Variants in PLXNA4 observed in about 807,000 individuals in gnomAD.
PLXNA4 encodes plexin A4, also known as plexin-A4.
In PLXNA4, 44 loss-of-function variants were observed where a neutral mutation model predicts 191.8. That is an observed-to-expected ratio of 0.23 (90% CI 0.18 to 0.29). The LOEUF (loss-of-function observed/expected upper bound fraction) is 0.29. Ranked by LOEUF, PLXNA4 falls within the 10% of genes least tolerant of loss-of-function variation. The pLI is 1.00. For synonymous variants in PLXNA4, 1,082 were observed against 1,009.5 expected, an observed-to-expected ratio of 1.07 and a Z score of -1.36; for missense variants, 1,800 against 2,488.8, an observed-to-expected ratio of 0.72 and a Z score of 5.89.
chr7:132,204,960 G>A (rs949972214), intron 10 of PLXNA4, among the ~76,000 whole-genome samples: 32 of 152,204 alleles, frequency 2.1e-4, no homozygotes, highest in East Asian at 3.9e-4. Flanking sequence ...CCCTGGCAAC[G>A]CGTGCCAGGG....
In PLXNA4 at chr7:132,603,979, T is replaced by A. The variant is rs546709064; in HGVS notation, c.-87+41949A>T. On this transcript the variant is annotated intron_variant, in intron 2 of 4. Coordinates refer to the PLXNA4 transcript ENST00000378539. ...GAAAGTTAATGCATGTTTTGCAAGG[T>A]TGTGGTGAGGATTTAAACGATAACA... Among the ~76,000 whole-genome samples the A allele has an allele frequency of 8.5e-5, 13 of 152,150 alleles. No individual in the cohort carries two copies. The South Asian group carries it at 2.7e-3, about 32-fold the overall frequency.
intron 3 of PLXNA4, among the ~76,000 whole-genome samples, chr7:132,474,471 T>G (rs1797050501): frequency 1.3e-5 from 2 of 152,108 alleles, no homozygotes; most frequent in African/African-American, 4.8e-5. Flanking sequence ...CCGCCCATCC[T>G]GCTTTCCATC....
chr7:132,598,503 A>T (rs909971353), intron 2 of PLXNA4, among the ~76,000 whole-genome samples: 1 of 151,270 alleles, frequency 6.6e-6, no homozygotes, highest in Non-Finnish European at 1.5e-5. Context: ...CTACTACATT[A>T]AAGTAACATT....
intron 31 of PLXNA4, 36 bp from the exon 32 acceptor site, chr7:132,130,610 T>C: frequency 6.2e-7 from 1 of 1,613,698 alleles, no homozygotes; most frequent in South Asian, 1.1e-5. Flanking sequence ...ATTACTCATT[T>C]GTGTGTACAG....
intron 23 of PLXNA4, 107 bp downstream of exon 23, chr7:132,165,027 A>G: frequency 1.4e-6 from 2 of 1,473,496 alleles, no homozygotes; most frequent in Non-Finnish European, 1.8e-6. Context: ...GTGGGGTTAT[A>G]AGAGCCAGGC....
intron 2 of PLXNA4, among the ~76,000 whole-genome samples, chr7:132,601,467 T>C (rs980502252): frequency 7.2e-5 from 11 of 152,340 alleles, no homozygotes; most frequent in Admixed American, 1.3e-4. Context: ...GGGTACAACT[T>C]AAGAAAGTAT....
intron 1 of PLXNA4, among the ~76,000 whole-genome samples, chr7:132,562,844 T>TCC (rs1801304900): frequency 1.9e-5 from 1 of 51,396 alleles, no homozygotes; most frequent in Non-Finnish European, 3.6e-5. Context: ...CCTCCTTCTC[T>TCC]TCCTTTCTCC....
chr7:132,164,859 A>T (rs190688588), intron 23 of PLXNA4, among the ~76,000 whole-genome samples: 14 of 152,328 alleles, frequency 9.2e-5, no homozygotes, highest in Non-Finnish European at 1.5e-4. Context: ...TCAAAGGAGG[A>T]TTCAGCTTTA....
chr7:132,612,415 C>A (rs1328236706), intron 2 of PLXNA4, among the ~76,000 whole-genome samples: 2 of 152,120 alleles, frequency 1.3e-5, no homozygotes, highest in African/African-American at 4.8e-5. Flanking sequence ...AATCCCAGCA[C>A]TTTGGGAGAC....
chr7:132,305,407 C>CACACAA (rs1801478829), intron 3 of PLXNA4, among the ~76,000 whole-genome samples: 1 of 147,502 alleles, frequency 6.8e-6, no homozygotes, highest in Admixed American at 6.8e-5. Context: ...CACACACACA[C>CACACAA]TCTACTCTGG....
intron 4 of PLXNA4, among the ~76,000 whole-genome samples, chr7:132,265,092 C>T (rs1182416700): frequency 1.3e-5 from 2 of 152,162 alleles, no homozygotes; most frequent in East Asian, 1.9e-4. Flanking sequence ...TGGCAGGCCA[C>T]AGGAAGCAAT....
chr7:132,246,905 T>C (rs1269438645), intron 4 of PLXNA4, among the ~76,000 whole-genome samples: 1 of 152,064 alleles, frequency 6.6e-6, no homozygotes, highest in Non-Finnish European at 1.5e-5. Context: ...AATGAATGAC[T>C]GAAAAGAGAG....
intron 1 of PLXNA4, among the ~76,000 whole-genome samples, chr7:132,545,204 T>C (rs1800246537): frequency 6.6e-6 from 1 of 152,152 alleles, no homozygotes; most frequent in Non-Finnish European, 1.5e-5. Context: ...ACTAATTCTC[T>C]CAAAAGGACC....
intron 1 of PLXNA4, among the ~76,000 whole-genome samples, chr7:132,524,475 A>T (rs991892084): frequency 7.9e-5 from 12 of 152,214 alleles, no homozygotes; most frequent in Non-Finnish European, 1.5e-4. Context: ...TCAAGTCATA[A>T]AGAGTGCCCT....
chr7:132,388,182 C>T (rs1319318781), intron 3 of PLXNA4, among the ~76,000 whole-genome samples: 2 of 152,162 alleles, frequency 1.3e-5, no homozygotes, highest in African/African-American at 4.8e-5. Flanking sequence ...GGGGTACAGC[C>T]AATCCCTGGT....
chr7:132,545,109 C>T (rs764742556), intron 1 of PLXNA4, among the ~76,000 whole-genome samples: 27 of 152,176 alleles, frequency 1.8e-4, no homozygotes, highest in Admixed American at 3.3e-4. Flanking sequence ...GACTCCTCTC[C>T]GGCTTCAGAC....
intron 2 of PLXNA4, among the ~76,000 whole-genome samples, chr7:132,635,709 A>C (rs1399951215): frequency 3.9e-5 from 6 of 152,162 alleles, no homozygotes; most frequent in African/African-American, 7.2e-5. Flanking sequence ...GAACCACGGA[A>C]GATGCAAAAT....
chr7:132,577,427 C>G (rs1465236222), upstream of PLXNA4: 3 of 149,910 alleles, frequency 2.0e-5, no homozygotes, highest in African/African-American at 7.4e-5. Context: ...CTCGCCTCCT[C>G]TCCTCCCTGC....
rs1259738473 is a variant in PLXNA4 at position 132,508,607 on chromosome 7, C to T, written c.87G>A (p.Gln29=). 1 of 1,612,434 alleles carries T rather than the reference C, an allele frequency of 6.2e-7. No homozygotes were observed. The highest frequency in any genetic ancestry group is 1.7e-5 in the Admixed American group (1 of 59,856). Residue 29 remains glutamine (Q), a synonymous_variant, in exon 2 of 32, where the codon CAG becomes CAA. Transcript: ENST00000321063. This position sits in a 1 kb window ranked among gnomAD's most constrained non-coding sequence, Gnocchi z 4.4. ...GMGSSTLLTR[Q]PAPLSQKQRS... ...GCTGCTTCTGGGACAGCGGGGCTGG[C>T]TGCCGGGTGAGCAAAGTGGAGGAGC...
Sources: allele counts gnomAD v4.1 joint callset (sites outside exome capture counted in the v4.1 genomes callset), GRCh38; gene constraint gnomAD v4.1.1; non-coding constraint Gnocchi (gnomAD v3.1); transcripts MANE v1.5; gene names NCBI Gene and HGNC (gene_info 2026-07-23, HGNC 2026-07-21).